Variants in WDR27 observed in about 807,000 individuals in gnomAD.
WDR27 encodes WD repeat-containing protein 27.
In WDR27, 100 loss-of-function variants were observed where a neutral mutation model predicts 114.4. The ratio of observed to expected loss-of-function variants is 0.87; its 90% confidence interval spans 0.74 to 1.03. The LOEUF (loss-of-function observed/expected upper bound fraction) is 1.03. Among genes scored for constraint, WDR27 ranks in the 50% least tolerant of loss-of-function variants. The probability of loss-of-function intolerance (pLI) is 0.00; values close to 1 mark genes in which losing one functional copy is unlikely to be tolerated. For missense variants in WDR27, 1,129 were observed against 1,092.9 expected, an observed-to-expected ratio of 1.03 and a Z score of -0.47; for synonymous variants, 449 against 423.1, an observed-to-expected ratio of 1.06 and a Z score of -0.75.
At chr6:169,511,086 C>G (rs551366065) in intron 25 of WDR27, among the ~76,000 whole-genome samples, 1 of 152,326 alleles carries the variant, frequency 6.6e-6, no homozygotes, top group African/African-American at 2.4e-5. Flanking sequence ...AAACATTTCT[C>G]AATCTCAAGC....
At position 169,672,378 on chromosome 6, in the gene WDR27, G is replaced by A. The variant is rs755156564; in HGVS notation, c.208C>T (p.His70Tyr). Reference sequence around the variant, plus strand: ...GCCATAGCAGTAATTGGCTGATGGTGTCCTCGTAGGATTAGAAGCTGGGAA... The same window carrying A: ...GCCATAGCAGTAATTGGCTGATGGTATCCTCGTAGGATTAGAAGCTGGGAA... Reference protein sequence around the residue: ...PSHQLLILRGHHQPITAMAFG... With the variant: ...PSHQLLILRGYHQPITAMAFG... Residue 70 changes from histidine to tyrosine, a missense_variant, in exon 3 of 26, where the codon CAC becomes TAC. By Grantham distance (83) the His-to-Tyr change is moderately conservative. Transcript: ENST00000448612. 11 of 1,604,868 alleles carry A rather than the reference G, an allele frequency of 6.9e-6. No individual in the cohort carries two copies. The African/African-American group carries it at 1.3e-4, about 20-fold the overall frequency.
intron 22 of WDR27, among the ~76,000 whole-genome samples, chr6:169,609,300 C>G (rs978969266): frequency 3.3e-5 from 5 of 152,164 alleles, no homozygotes; most frequent in Non-Finnish European, 7.3e-5. Context: ...GAGGCTCTGA[C>G]CCCACAATTC....
At chr6:169,481,988 G>C (rs1011828985) in intron 25 of WDR27, among the ~76,000 whole-genome samples, 6 of 152,188 alleles carry the variant, frequency 3.9e-5, no homozygotes, top group Non-Finnish European at 8.8e-5. Context: ...AGTGTCTGTT[G>C]TTTCCCTCTA....
At position 169,663,659 on chromosome 6, in the gene WDR27, G is replaced by A. The variant is rs572722576; in HGVS notation, c.904+507C>T. 4.1e-4 allele frequency: 64 copies of A among 157,544 alleles called. No individual in the cohort carries two copies. In the East Asian group the frequency reaches 8.6e-3, roughly 21 times the overall value. 9.8% of individuals were successfully genotyped at this position (157,544 alleles called of 1,614,324 possible). ...TGGGTGCATGTGGCATCTGCAATGC[G>A]CAGGAGACCAGGTGAGTACGAGGGT... On this transcript the variant is annotated intron_variant, in intron 8 of 25. Transcript: ENST00000448612.
intron 23 of WDR27, 140 bp from the exon 24 acceptor site, chr6:169,583,074 A>G (rs945003240): frequency 1.3e-5 from 9 of 675,612 alleles, no homozygotes; most frequent in South Asian, 3.8e-5. Context: ...CTGACAAAAC[A>G]TCATCCAAGC....
chr6:169,616,463 G>C (rs1475082739), intron 21 of WDR27, among the ~76,000 whole-genome samples: 1 of 152,120 alleles, frequency 6.6e-6, no homozygotes, highest in Admixed American at 6.6e-5. Context: ...CCTCCAGCCT[G>C]GCGATAGAGC....
At position 169,541,702 on chromosome 6, in the gene WDR27, C is replaced by A. The variant is rs369498077; in HGVS notation, c.2645+30717G>T. ...TGGTCCCGGTAACCCCTACAAGTTG[C>A]AACCATAAGCAAATCTGGTAAACGG... is the stretch of plus-strand genomic sequence containing the variant. On this transcript the variant is annotated intron_variant, in intron 25 of 25. Coordinates refer to ENST00000448612, the MANE Select transcript of WDR27 (RefSeq NM_182552.5). 1.3e-4 allele frequency among the ~76,000 whole-genome samples: 20 copies of A among 152,206 alleles called. No homozygotes were observed. The South Asian group carries it at 2.5e-3, about 19-fold the overall frequency.
chr6:169,439,980 TTTA>T, the WDR27 span, among the ~76,000 whole-genome samples: 3 of 151,668 alleles, frequency 2.0e-5, no homozygotes, highest in African/African-American at 7.3e-5. Context: ...TATATCATAT[TTTA>T]CATTGTTTAT....
intron 25 of WDR27, among the ~76,000 whole-genome samples, chr6:169,552,148 C>T (rs1228465045): frequency 6.6e-6 from 1 of 152,168 alleles, no homozygotes; most frequent in East Asian, 1.9e-4. Context: ...AGGCTCCATC[C>T]TGCTCGGGCC....
At chr6:169,546,086 C>T (rs953529799) in intron 25 of WDR27, among the ~76,000 whole-genome samples, 3 of 152,144 alleles carry the variant, frequency 2.0e-5, no homozygotes, top group Non-Finnish European at 4.4e-5. Context: ...CTATCAGACA[C>T]ACTTATCTCT....
At chr6:169,440,986 T>C in the WDR27 span, among the ~76,000 whole-genome samples, 2 of 152,192 alleles carry the variant, frequency 1.3e-5, no homozygotes, top group Admixed American at 1.3e-4. Context: ...GGTTTTTTTT[T>C]CTTGTATTTT....
At chr6:169,540,375 T>C (rs891604840) in intron 25 of WDR27, among the ~76,000 whole-genome samples, 4 of 152,202 alleles carry the variant, frequency 2.6e-5, no homozygotes, top group Admixed American at 1.3e-4. Flanking sequence ...GAAAAATACT[T>C]CTGTCATATC....
At chr6:169,446,815 A>G in the WDR27 span, among the ~76,000 whole-genome samples, 1 of 152,194 alleles carries the variant, frequency 6.6e-6, no homozygotes, top group Admixed American at 6.5e-5. Flanking sequence ...AACATTATTA[A>G]TAGTACAACA....
At chr6:169,587,679 T>C (rs981254429) in intron 23 of WDR27, among the ~76,000 whole-genome samples, 14 of 152,248 alleles carry the variant, frequency 9.2e-5, no homozygotes, top group Admixed American at 8.5e-4. Flanking sequence ...GACTTCACTT[T>C]TTCTTGAATC....
At chr6:169,698,475 G>A (rs2128317559) in intron 1 of WDR27, among the ~76,000 whole-genome samples, 1 of 152,246 alleles carries the variant, frequency 6.6e-6, no homozygotes, top group South Asian at 2.1e-4. Flanking sequence ...TAACTGAAGT[G>A]CAACCTATCC....
At position 169,672,289 on chromosome 6, in the gene WDR27, C is replaced by A; in HGVS notation, c.297G>T (p.Trp99Cys). The A allele has an allele frequency of 6.2e-7, 1 of 1,613,586 alleles. No homozygotes were observed. The highest frequency in any genetic ancestry group is 1.1e-5 in the South Asian group (1 of 90,952). Residue 99 changes from tryptophan to cysteine, a missense_variant, in exon 3 of 26, where the codon TGG becomes TGT. Coordinates refer to ENST00000448612, the MANE Select transcript of WDR27 (RefSeq NM_182552.5). ...CTTTCTCTCTACATTCATCCAGGTT[C>A]CACATTATAACATAATCCAGTGATG... is the stretch of plus-strand genomic sequence containing the variant. ...CSASLDYVIM[W>C]NLDECREKVL...
At chr6:169,498,122 A>G (rs917476889) in intron 25 of WDR27, among the ~76,000 whole-genome samples, 6 of 152,064 alleles carry the variant, frequency 3.9e-5, no homozygotes, top group African/African-American at 1.4e-4. Context: ...CAAACCTTGA[A>G]GACATTATGT....
intron 13 of WDR27, among the ~76,000 whole-genome samples, chr6:169,654,045 T>C (rs548623169): frequency 1.6e-4 from 25 of 152,224 alleles, no homozygotes; most frequent in Non-Finnish European, 2.2e-4. Flanking sequence ...GTGCACTTCA[T>C]TCAGTTCCAA....
At position 169,580,944 on chromosome 6, in the gene WDR27, T is replaced by TATATAC. The variant is rs1314505185; in HGVS notation, c.2523+1891_2523+1892insGTATAT. ...GAACTTAGTGAATTTTATATATATA[T>TATATAC]ATATATATACATATATATATATATA... On this transcript the variant is annotated intron_variant, in intron 24 of 25. Transcript: ENST00000448612. 5.2e-3 allele frequency among the ~76,000 whole-genome samples: 399 copies of TATATAC among 76,234 alleles called. 11 individuals are homozygous for TATATAC. In the East Asian group the frequency reaches 0.11, roughly 21 times the overall value. 50.0% of individuals were successfully genotyped at this position (76,234 alleles called of 152,430 possible). A position where few individuals can be genotyped will look rare whatever the true frequency, so the allele number is the denominator to read the frequency against.
Sources: gnomAD v4.1 joint callset for allele counts (sites outside exome capture counted in the v4.1 genomes callset) on GRCh38, gnomAD v4.1.1 for gene constraint, MANE v1.5 for transcripts, NCBI Gene and HGNC (gene_info 2026-07-23, HGNC 2026-07-21) for gene names.